KCNJ14: variants seen among roughly 807,000 people sequenced by gnomAD.
KCNJ14 encodes the protein potassium inwardly rectifying channel subfamily J member 14, also known as ATP-sensitive inward rectifier potassium channel 14.
A neutral mutation model predicts 24.5 loss-of-function variants in KCNJ14; 18 were observed. That is an observed-to-expected ratio of 0.74 (90% CI 0.51 to 1.09). The LOEUF is 1.09. KCNJ14 is among the 50% of genes least tolerant of loss of function. KCNJ14 has a pLI of 0.00. For synonymous variants in KCNJ14, 288 were observed against 270.8 expected, an observed-to-expected ratio of 1.06 and a Z score of -0.63; for missense variants, 633 against 623.0, an observed-to-expected ratio of 1.02 and a Z score of -0.17.
intron 2 of KCNJ14, among the ~76,000 whole-genome samples, chr19:48,463,013 C>T (rs1322440696): frequency 1.3e-5 from 2 of 152,158 alleles, no homozygotes; most frequent in Non-Finnish European, 2.9e-5. Flanking sequence ...AGAATTCATT[C>T]CCCACCTCAG....
rs1480244095 is a variant in KCNJ14, at chr19:48,466,159, A to C, written c.*1382A>C. 1 of 148,766 alleles carries C rather than the reference A, an allele frequency of 6.7e-6. No individual in the cohort carries two copies. The highest frequency in any genetic ancestry group is 1.5e-5 in the Non-Finnish European group (1 of 67,524). The allele number at this position is 148,766 out of a possible 1,614,324, so 9.2% of individuals were successfully genotyped here. On this transcript the variant is annotated 3_prime_UTR_variant, in exon 3 of 3. Transcript: ENST00000342291. ...CAATGGCGTGATCTCAGCTCACTGC[A>C]ACCTCCGCCTCCCGGCTTCAAGTGT...
In KCNJ14 at chr19:48,464,222, C is replaced by T. The variant is rs766679676; in HGVS notation, c.756C>T (p.His252=). The T allele has an allele frequency of 4.3e-6, 7 of 1,614,004 alleles. No homozygotes were observed. The highest frequency in any genetic ancestry group is 1.1e-5 in the South Asian group (1 of 91,088). ...AGGGTGAGTACATCCCGCTGGACCA[C>T]CAGGATGTGGATGTGGGCTTTGATG... ...TPEGEYIPLD[H]QDVDVGFDGG... Residue 252 remains histidine (H), a synonymous_variant, in exon 3 of 3, where the codon CAC becomes CAT. Coordinates refer to ENST00000342291, the MANE Select transcript of KCNJ14 (RefSeq NM_013348.4).
chr19:48,464,584 C>A lies in KCNJ14; in HGVS notation c.1118C>A (p.Ala373Asp). 6.2e-7 allele frequency: 1 copy of A among 1,614,150 alleles called. No homozygotes were observed. The highest frequency in any genetic ancestry group is 1.6e-4 in the Middle Eastern group (1 of 6,062). The part of the protein sequence containing the change: ...AKELDERAEQ[A>D]SHSLKSSFPG... ...GAGCTGGATGAACGGGCAGAGCAGG[C>A]TTCCCACAGCCTCAAGTCTAGTTTC... is the stretch of plus-strand genomic sequence containing the variant. Residue 373 changes from alanine to aspartate, a missense_variant, in exon 3 of 3, where the codon GCT (alanine) becomes GAT (aspartate). Physicochemically the swap from Ala to Asp is moderately radical, Grantham distance 126. Transcript: ENST00000342291.
In KCNJ14 at chr19:48,463,844, C is replaced by T. The variant is rs147309117; in HGVS notation, c.715-337C>T. Among the ~76,000 whole-genome samples the T allele has an allele frequency of 4.0e-3, 608 of 152,202 alleles. 5 individuals carry two copies. Among genetic ancestry groups the T allele is most frequent in the African/African-American group, 0.013 (560 of 41,524 alleles). Reference sequence around the variant, plus strand: ...TCACTCTGTCCCTCTCTCCTCTTCCCCCACCACGCCCCTCTTCCCGTTTTC... The same window carrying T: ...TCACTCTGTCCCTCTCTCCTCTTCCTCCACCACGCCCCTCTTCCCGTTTTC... On this transcript the variant is annotated intron_variant, in intron 2 of 2. Transcript: ENST00000342291.
In KCNJ14 at chr19:48,466,047, A is replaced by C. The variant is rs916018060; in HGVS notation, c.*1270A>C. On this transcript the variant is annotated 3_prime_UTR_variant, in exon 3 of 3. Coordinates refer to ENST00000342291, the MANE Select transcript of KCNJ14 (RefSeq NM_013348.4). ...AGTCTAGAATGCTCTGGAACCCTAC[A>C]CCTAGTGATGTGTGTCTATTTCTTT... The C allele has an allele frequency of 2.3e-4, 34 of 151,058 alleles. 1 individual carries two copies. Among genetic ancestry groups the C allele is most frequent in the African/African-American group, 7.1e-4 (29 of 41,082 alleles). 9.4% of individuals were successfully genotyped at this position (151,058 alleles called of 1,614,324 possible).
intron 1 of KCNJ14, chr19:48,456,220 G>A (rs1433238934): frequency 6.6e-6 from 1 of 152,354 alleles, no homozygotes; most frequent in Non-Finnish European, 1.5e-5. Context: ...CCAGCCCACG[G>A]GGGTGGTTCC....
rs1370397978 is a variant in KCNJ14 at position 48,462,534 on chromosome 19, CGTGGACTACAACTCCCAGCA to C, written c.714+98_714+117del. 3.2e-6 allele frequency: 3 copies of C among 930,608 alleles called. No homozygotes were observed. Among genetic ancestry groups the C allele is most frequent in the African/African-American group, 3.4e-5 (2 of 58,624 alleles). The allele number at this position is 930,608 out of a possible 1,614,324, so 57.6% of individuals were successfully genotyped here. ...GAGGGGCGTGCGGTCCTGGAGGGGG[CGTGGACTACAACTCCCAGCA>C]GCCTCTTGGGCCTGGGGCCTGCGAA... On this transcript the variant is annotated intron_variant, in intron 2 of 2. Transcript: ENST00000342291. The surrounding 1 kb of genome is among the most constrained non-coding windows in gnomAD (Gnocchi z 4.9).
intron 1 of KCNJ14, among the ~76,000 whole-genome samples, chr19:48,458,571 G>A (rs1038644419): frequency 1.3e-5 from 2 of 151,990 alleles, no homozygotes; most frequent in African/African-American, 2.4e-5. Flanking sequence ...CACCAGGCCC[G>A]GCTAATTTTT....
chr19:48,463,998 C>T (rs541750684), intron 2 of KCNJ14, among the ~76,000 whole-genome samples, 183 bp from the exon 3 acceptor site: 1 of 152,242 alleles, frequency 6.6e-6, no homozygotes, highest in South Asian at 2.1e-4. Flanking sequence ...TCTGTGCCCT[C>T]CCCTGCCTCT....
chr19:48,457,109 C>T (rs1971548080), intron 1 of KCNJ14: 1 of 152,144 alleles, frequency 6.6e-6, no homozygotes, highest in African/African-American at 2.4e-5. Flanking sequence ...TGATCCCCCA[C>T]CTCAGTCTCC....
intron 1 of KCNJ14, among the ~76,000 whole-genome samples, chr19:48,460,665 AC>A (rs1051066890): frequency 1.3e-5 from 2 of 152,258 alleles, no homozygotes; most frequent in African/African-American, 4.8e-5. Context: ...TAAAGTACTT[AC>A]AACAACCTCC....
intron 1 of KCNJ14, chr19:48,461,414 G>T: frequency 3.8e-6 from 1 of 266,046 alleles, no homozygotes; most frequent in Non-Finnish European, 6.9e-6. Flanking sequence ...AGTAATCCCA[G>T]CTACTCAGGA....
At position 48,464,201 on chromosome 19, in the gene KCNJ14, T is replaced by C; in HGVS notation, c.735T>C (p.Gly245=). Residue 245 remains glycine (G), a synonymous_variant, in exon 3 of 3, where the codon GGT becomes GGC. Transcript: ENST00000342291. ...QLLQPRVTPE[G]EYIPLDHQDV... ...TGCAGCCCCGTGTGACCCCAGAGGG[T>C]GAGTACATCCCGCTGGACCACCAGG... 6.2e-7 allele frequency: 1 copy of C among 1,613,732 alleles called. No individual in the cohort carries two copies.
rs1192248285 is a variant in KCNJ14 at position 48,464,321 on chromosome 19, T to C, written c.855T>C (p.Tyr285=). 3 of 1,613,714 alleles carry C rather than the reference T, an allele frequency of 1.9e-6. No individual in the cohort carries two copies. Among genetic ancestry groups the C allele is most frequent in the Non-Finnish European group, 2.5e-6 (3 of 1,179,886 alleles). ...AGATCGACTCTGCCAGTCCTCTGTA[T>C]GAGCTAGGACGTGCCGAGCTGGCCA... is the stretch of plus-strand genomic sequence containing the variant. ...VHEIDSASPL[Y]ELGRAELARA... is the part of the protein sequence containing the mutation. The change falls in exon 3 of 3, where the codon TAT becomes TAC. Residue 285 remains tyrosine (Y), a synonymous_variant. Coordinates refer to ENST00000342291, the MANE Select transcript of KCNJ14 (RefSeq NM_013348.4).
chr19:48,461,334 CA>C (rs1214148265), intron 1 of KCNJ14: 116 of 116,300 alleles, frequency 1.0e-3, no homozygotes, highest in Middle Eastern at 8.4e-3. Flanking sequence ...GACTCCGTCT[CA>C]AAAAAAAAAA....
chr19:48,464,506 GC>G lies in KCNJ14; in HGVS notation c.1042del (p.His348ThrfsTer38). 6.2e-7 allele frequency: 1 copy of G among 1,614,098 alleles called. No homozygotes were observed. Among genetic ancestry groups the G allele is most frequent in the Non-Finnish European group, 8.5e-7 (1 of 1,180,006 alleles). ...QRGSQYEVDY[R>X]HFHRTYEVPG... ...GGCTCCCAGTATGAGGTCGACTATC[GC>G]CACTTCCATCGCACTTATGAGGTCC... is the stretch of plus-strand genomic sequence containing the variant. On this transcript the variant is annotated frameshift_variant, in exon 3 of 3. Transcript: ENST00000342291. LOFTEE classifies it high-confidence loss of function.
Position 48,461,776 on chromosome 19 carries a change from G to A in KCNJ14, c.52G>A (p.Asp18Asn), listed in dbSNP as rs1971599997. The change falls in exon 2 of 3, where the codon GAC becomes AAC. Residue 18 changes from aspartate to asparagine, a missense_variant. Asp to Asn is a conservative substitution (Grantham distance 23). Transcript: ENST00000342291. ...CCTCAGCGGCGCCCTGGATTCGGGA[G>A]ACAGCCGGGCGGGCGATGAAGAGGA... ...RRLSGALDSG[D>N]SRAGDEEEAG... is the part of the protein sequence containing the mutation. 9 of 1,454,048 alleles carry A rather than the reference G, an allele frequency of 6.2e-6. No individual in the cohort carries two copies. In the South Asian group the frequency reaches 7.3e-5, roughly 12 times the overall value. The allele number at this position is 1,454,048 out of a possible 1,614,324, so 90.1% of individuals were successfully genotyped here.
chr19:48,464,672 A>G lies in KCNJ14; in HGVS notation c.1206A>G (p.Glu402=). ...NELALSCCQE[E]DEDDETEEGN... ...TTGCTCTGAGCTGCTGCCAGGAGGA[A>G]GATGAGGACGATGAGACTGAGGAAG... The change falls in exon 3 of 3, where the codon GAA becomes GAG. Residue 402 remains glutamate (E), a synonymous_variant. Coordinates refer to ENST00000342291, the MANE Select transcript of KCNJ14 (RefSeq NM_013348.4). 6.2e-7 allele frequency: 1 copy of G among 1,614,028 alleles called. No individual in the cohort carries two copies. The highest frequency in any genetic ancestry group is 8.5e-7 in the Non-Finnish European group (1 of 1,180,024).
intron 1 of KCNJ14, among the ~76,000 whole-genome samples, chr19:48,460,211 C>T (rs907614734): frequency 2.0e-5 from 3 of 152,046 alleles, no homozygotes; most frequent in African/African-American, 7.2e-5. Flanking sequence ...ATTCAAATCC[C>T]AGTTTACTTA....
Sources: allele counts gnomAD v4.1 joint callset (sites outside exome capture counted in the v4.1 genomes callset), GRCh38; gene constraint gnomAD v4.1.1; non-coding constraint Gnocchi (gnomAD v3.1); transcripts MANE v1.5; gene names NCBI Gene and HGNC (gene_info 2026-07-23, HGNC 2026-07-21).